The following TMED5 variants were observed in gnomAD, a reference collection of about 807,000 sequenced individuals.
TMED5 encodes transmembrane emp24 domain-containing protein 5.
A neutral mutation model predicts 23.0 loss-of-function variants in TMED5; 27 were observed. That is an observed-to-expected ratio of 1.17 (90% confidence interval 0.86 to 1.62). TMED5 has a LOEUF of 1.62. Ranked by LOEUF, TMED5 falls within the 40% of genes most tolerant of loss-of-function variation. TMED5 has a pLI of 0.00. For synonymous variants in TMED5, 97 were observed against 100.8 expected, an observed-to-expected ratio of 0.96 and a Z score of 0.23; for missense variants, 248 against 273.7, an observed-to-expected ratio of 0.91 and a Z score of 0.66.
chr1:93,158,584 T>G (rs1374919891), intron 2 of TMED5, among the ~76,000 whole-genome samples: 1 of 151,430 alleles, frequency 6.6e-6, no homozygotes, highest in Non-Finnish European at 1.5e-5. Flanking sequence ...TTAGTTTTGT[T>G]TTTTTTTTTG....
chr1:93,154,608 T>C lies in TMED5; in HGVS notation c.*62A>G, dbSNP rs1482624785. The C allele has an allele frequency of 8.6e-7, 1 of 1,168,262 alleles. No homozygotes were observed. The highest frequency in any genetic ancestry group is 1.3e-6 in the Non-Finnish European group (1 of 799,060). 72.4% of individuals were successfully genotyped at this position (1,168,262 alleles called of 1,614,324 possible). ...GGAGAAGACCATTAATGGTCTTGAC[T>C]GTAACAGTTTATTGCATTTTTATGC... On this transcript the variant is annotated 3_prime_UTR_variant, in exon 4 of 4. Transcript: ENST00000370282.
chr1:93,168,914 G>T (rs916159077), intron 1 of TMED5, among the ~76,000 whole-genome samples: 1 of 152,174 alleles, frequency 6.6e-6, no homozygotes, highest in South Asian at 2.1e-4. Context: ...ATGCTTATGT[G>T]TATACACCTA....
intron 1 of TMED5, among the ~76,000 whole-genome samples, chr1:93,171,309 A>C (rs1001150304): frequency 6.6e-6 from 1 of 152,108 alleles, no homozygotes; most frequent in African/African-American, 2.4e-5. Flanking sequence ...CATCAGAAGG[A>C]ACAAACTCCG....
At position 93,180,086 on chromosome 1, in the gene TMED5, G is replaced by A. The variant is rs1382939447; in HGVS notation, c.157C>T (p.Pro53Ser). ...GQKECFYQPM[P>S]LKASLEIEYQ... ...TCGATCTCCAGCGAGGCCTTCAGGG[G>A]CATGGGCTGGTAGAAGCACTCCTTC... Residue 53 changes from proline to serine, a missense_variant, in exon 1 of 4, where the codon CCC becomes TCC. Pro to Ser is a moderately conservative substitution (Grantham distance 74). Transcript: ENST00000370282. 1.2e-6 allele frequency: 2 copies of A among 1,613,472 alleles called. No homozygotes were observed. The highest frequency in any genetic ancestry group is 1.7e-6 in the Non-Finnish European group (2 of 1,179,762).
Position 93,153,169 on chromosome 1 carries a change from T to TA in TMED5, c.*1500dup, listed in dbSNP as rs1274308651. 6.6e-6 allele frequency: 1 copy of TA among 152,534 alleles called. No homozygotes were observed. Among genetic ancestry groups the TA allele is most frequent in the African/African-American group, 2.4e-5 (1 of 41,434 alleles). The allele number at this position is 152,534 out of a possible 1,614,324, so 9.4% of individuals were successfully genotyped here. On this transcript the variant is annotated 3_prime_UTR_variant, in exon 4 of 4. Coordinates refer to ENST00000370282, the MANE Select transcript of TMED5 (RefSeq NM_016040.5). ...AACAACGTTATAAATGGGCATAACT[T>TA]AAAAATTATAGTTCATTCATGATGA...
At position 93,160,128 on chromosome 1, in the gene TMED5, C is replaced by G. The variant is rs146147342; in HGVS notation, c.287+1G>C. The stretch of plus-strand genomic sequence containing the variant: ...AAACTCAACTAAAAGAGATTACTTA[C>G]GTGTGAACTCCATCTGATTTTCTTT... On this transcript the variant is annotated splice_donor_variant, in intron 2 of 3. Coordinates refer to ENST00000370282, the MANE Select transcript of TMED5 (RefSeq NM_016040.5). LOFTEE classifies it high-confidence loss of function. 5 of 1,598,370 alleles carry G rather than the reference C, an allele frequency of 3.1e-6. No individual in the cohort carries two copies. The highest frequency in any genetic ancestry group is 4.3e-6 in the Non-Finnish European group (5 of 1,166,612).
chr1:93,170,871 A>G (rs1473300466), intron 1 of TMED5, among the ~76,000 whole-genome samples: 2 of 152,208 alleles, frequency 1.3e-5, no homozygotes, highest in Non-Finnish European at 2.9e-5. Flanking sequence ...ATCAATCAGC[A>G]CCCTGTCAAA....
rs1269161674 is a variant in TMED5 at position 93,150,681 on chromosome 1, GA to G, written c.*3988del. ...TGCAATGGTATTACGTGTCCTTTTA[GA>G]ATTGAAATCAAGGGTAGAAAGGTTA... On this transcript the variant is annotated 3_prime_UTR_variant, in exon 4 of 4. Transcript: ENST00000370282. 1.3e-5 allele frequency: 2 copies of G among 152,268 alleles called. No individual in the cohort carries two copies. Among genetic ancestry groups the G allele is most frequent in the African/African-American group, 4.8e-5 (2 of 41,564 alleles). 9.4% of individuals were successfully genotyped at this position (152,268 alleles called of 1,614,324 possible).
chr1:93,160,518 G>A, intron 1 of TMED5: 1 of 218,108 alleles, frequency 4.6e-6, no homozygotes, highest in Non-Finnish European at 9.2e-6. Flanking sequence ...CTGTAGAATG[G>A]ACGGAAACAC....
intron 1 of TMED5, among the ~76,000 whole-genome samples, chr1:93,170,555 G>A (rs6664190): frequency 0.09 from 13,670 of 152,220 alleles, 2,020 homozygotes; most frequent in African/African-American, 0.31. Flanking sequence ...CCCGAAGAGC[G>A]CCACTCCCTG....
intron 1 of TMED5, among the ~76,000 whole-genome samples, chr1:93,172,602 A>T (rs1385053071): frequency 6.6e-6 from 1 of 152,190 alleles, no homozygotes; most frequent in Non-Finnish European, 1.5e-5. Flanking sequence ...CAGCGGAGTT[A>T]CACAGCAAGA....
Position 93,180,402 on chromosome 1 carries a change from G to A in TMED5, c.-160C>T, listed in dbSNP as rs1649319268. On this transcript the variant is annotated 5_prime_UTR_variant, in exon 1 of 4. Transcript: ENST00000370282. ...GGCGAACACTCCCTCCGAAAGAGAA[G>A]CGCAGTTCTCCAAAGGGTAGGGACT... 86 of 1,228,748 alleles carry A rather than the reference G, an allele frequency of 7.0e-5. No homozygotes were observed. The South Asian group carries it at 1.2e-3, about 17-fold the overall frequency. The allele number at this position is 1,228,748 out of a possible 1,614,324, so 76.1% of individuals were successfully genotyped here. A position where few individuals can be genotyped will look rare whatever the true frequency, so the allele number is the denominator to read the frequency against.
intron 1 of TMED5, among the ~76,000 whole-genome samples, chr1:93,171,063 C>T (rs1263801809): frequency 6.6e-6 from 1 of 152,182 alleles, no homozygotes; most frequent in Admixed American, 6.5e-5. Flanking sequence ...TGCAATAAAT[C>T]TTGCTGCTGC....
Position 93,154,293 on chromosome 1 carries a change from G to GC in TMED5, c.*376dup, listed in dbSNP as rs1207930641. On this transcript the variant is annotated 3_prime_UTR_variant, in exon 4 of 4. Coordinates refer to ENST00000370282, the MANE Select transcript of TMED5 (RefSeq NM_016040.5). ...CTTCCACAGTTAATTTGTAACTGCCGCATTTACAAAAAAGTTCTGGGTAAT... is the reference window on the plus strand; with the variant it reads ...CTTCCACAGTTAATTTGTAACTGCCGCCATTTACAAAAAAGTTCTGGGTAAT... 5 of 167,588 alleles carry GC rather than the reference G, an allele frequency of 3.0e-5. No individual in the cohort carries two copies. The highest frequency in any genetic ancestry group is 1.2e-4 in the African/African-American group (5 of 42,032). 10.4% of individuals were successfully genotyped at this position (167,588 alleles called of 1,614,324 possible).
chr1:93,158,078 C>G (rs911470978), intron 2 of TMED5, among the ~76,000 whole-genome samples: 17 of 147,106 alleles, frequency 1.2e-4, no homozygotes, highest in African/African-American at 4.3e-4. Context: ...GAGCCGAGAT[C>G]GCGCCACTGC....
At chr1:93,179,846 A>T (rs1649214278) in intron 1 of TMED5, 4 of 535,718 alleles carry the variant, frequency 7.5e-6, no homozygotes, top group Non-Finnish European at 1.3e-5. Context: ...GTAGTCATCA[A>T]TTCCAGGTCC....
chr1:93,155,904 C>A, intron 3 of TMED5: 1 of 484,466 alleles, frequency 2.1e-6, no homozygotes, highest in Non-Finnish European at 3.7e-6. Flanking sequence ...GTAAAACACC[C>A]AATGTTTTAA....
intron 2 of TMED5, among the ~76,000 whole-genome samples, chr1:93,158,073 G>C (rs1332908607): frequency 1.4e-5 from 2 of 144,068 alleles, no homozygotes; most frequent in Admixed American, 7.2e-5. Context: ...GCAGTGAGCC[G>C]AGATCGCGCC....
chr1:93,157,426 T>G (rs1490653481), intron 2 of TMED5, among the ~76,000 whole-genome samples: 1 of 152,188 alleles, frequency 6.6e-6, no homozygotes, highest in Non-Finnish European at 1.5e-5. Context: ...TAGTTTCCCA[T>G]ATTAGCGAAA....
Sources: allele counts gnomAD v4.1 joint callset (sites outside exome capture counted in the v4.1 genomes callset), GRCh38; gene constraint gnomAD v4.1.1; transcripts MANE v1.5; gene names NCBI Gene and HGNC (gene_info 2026-07-23, HGNC 2026-07-21).